The following FHIT variants were observed in gnomAD, a reference collection of about 807,000 sequenced individuals.
FHIT encodes the protein bis(5'-adenosyl)-triphosphatase.
In FHIT, 19 loss-of-function variants were observed where a neutral mutation model predicts 17.9. That is an observed-to-expected ratio of 1.06 (90% CI 0.74 to 1.56). FHIT has a LOEUF of 1.56. Among genes scored for constraint, FHIT ranks in the 40% most tolerant of loss-of-function variants. The probability of loss-of-function intolerance (pLI) is 0.00; values close to 1 mark genes in which losing one functional copy is unlikely to be tolerated. For synonymous variants in FHIT, 81 were observed against 69.7 expected, an observed-to-expected ratio of 1.16 and a Z score of -0.81; for missense variants, 248 against 189.2, an observed-to-expected ratio of 1.31 and a Z score of -1.82.
chr3:60,122,030 A>G (rs1289486156), intron 5 of FHIT, among the ~76,000 whole-genome samples: 1 of 151,924 alleles, frequency 6.6e-6, no homozygotes, highest in African/African-American at 2.4e-5. Flanking sequence ...GAAACAGACT[A>G]CACTTGCAAA....
intron 5 of FHIT, among the ~76,000 whole-genome samples, chr3:60,128,953 C>T (rs759522209): frequency 2.0e-5 from 3 of 151,862 alleles, no homozygotes; most frequent in Non-Finnish European, 4.4e-5. Context: ...TTTTTAACAA[C>T]GTAATTCTAT....
intron 5 of FHIT, among the ~76,000 whole-genome samples, chr3:60,140,767 A>T (rs1700008915): frequency 6.6e-6 from 1 of 151,974 alleles, no homozygotes; most frequent in Admixed American, 6.6e-5. Context: ...TAGTAGATAC[A>T]GGGTTTCTCC....
chr3:60,226,403 C>A (rs141746628), intron 5 of FHIT, among the ~76,000 whole-genome samples: 3,900 of 136,210 alleles, frequency 0.029, 180 homozygotes, highest in African/African-American at 0.099. Flanking sequence ...ACCCGGGAGG[C>A]GGAGGTTGCG....
intron 5 of FHIT, among the ~76,000 whole-genome samples, chr3:60,032,699 A>ATAC (rs972640813): frequency 9.8e-5 from 15 of 152,288 alleles, no homozygotes; most frequent in African/African-American, 3.6e-4. Context: ...GAAGCACATA[A>ATAC]TACTACTACT....
intron 5 of FHIT, among the ~76,000 whole-genome samples, chr3:60,286,388 A>T (rs1346447149): frequency 1.3e-5 from 2 of 152,178 alleles, no homozygotes; most frequent in Admixed American, 1.3e-4. Flanking sequence ...TATTTTTGTT[A>T]TTCTTACGTA....
intron 3 of FHIT, among the ~76,000 whole-genome samples, chr3:60,940,208 T>C (rs1232412528): frequency 2.6e-5 from 4 of 152,128 alleles, no homozygotes; most frequent in Non-Finnish European, 5.9e-5. Flanking sequence ...AAAATAAATA[T>C]TGGTTTTAAA....
chr3:60,605,346 T>C (rs2038576328), intron 4 of FHIT, among the ~76,000 whole-genome samples: 1 of 152,208 alleles, frequency 6.6e-6, no homozygotes, highest in Non-Finnish European at 1.5e-5. Flanking sequence ...GGCTCAGCTC[T>C]GGTGAGAACA....
chr3:60,680,096 G>T (rs557170847), intron 4 of FHIT, among the ~76,000 whole-genome samples: 52 of 152,290 alleles, frequency 3.4e-4, no homozygotes. Flanking sequence ...GGCCATGGGA[G>T]TTGCATGTCT....
chr3:60,500,743 A>T (rs1273098371), intron 5 of FHIT, among the ~76,000 whole-genome samples: 1 of 139,934 alleles, frequency 7.1e-6, no homozygotes, highest in South Asian at 2.3e-4. Flanking sequence ...ACTGCACTCC[A>T]GCCTGGGTGA....
intron 4 of FHIT, among the ~76,000 whole-genome samples, chr3:60,812,255 T>C (rs908487040): frequency 1.5e-4 from 22 of 151,684 alleles, no homozygotes; most frequent in African/African-American, 5.1e-4. Flanking sequence ...CTCTGCTTCC[T>C]GGAGTCCAGT....
At chr3:61,145,227 C>A (rs1241979845) in intron 2 of FHIT, among the ~76,000 whole-genome samples, 1 of 152,046 alleles carries the variant, frequency 6.6e-6, no homozygotes, top group Non-Finnish European at 1.5e-5. Flanking sequence ...GTGTGAGGTA[C>A]AAGTCCTAAT....
chr3:60,145,229 G>A (rs1294305869), intron 5 of FHIT, among the ~76,000 whole-genome samples: 1 of 152,084 alleles, frequency 6.6e-6, no homozygotes, highest in Non-Finnish European at 1.5e-5. Flanking sequence ...ATTGCATTGT[G>A]AATACACAAG....
intron 3 of FHIT, among the ~76,000 whole-genome samples, chr3:60,906,199 A>G (rs1706407071): frequency 6.6e-6 from 1 of 152,204 alleles, no homozygotes; most frequent in African/African-American, 2.4e-5. Context: ...TACTTAATAG[A>G]TTGATTGTCA....
intron 4 of FHIT, among the ~76,000 whole-genome samples, chr3:60,712,179 G>C (rs1331620534): frequency 6.6e-6 from 1 of 152,110 alleles, no homozygotes; most frequent in Non-Finnish European, 1.5e-5. Flanking sequence ...AACAAACTAA[G>C]CTTCATAAGT....
At chr3:60,748,615 C>T (rs2042405427) in intron 4 of FHIT, among the ~76,000 whole-genome samples, 1 of 152,118 alleles carries the variant, frequency 6.6e-6, no homozygotes, top group South Asian at 2.1e-4. Flanking sequence ...AGTTCAAGAC[C>T]AGCCTGGCCA....
intron 5 of FHIT, among the ~76,000 whole-genome samples, chr3:60,466,170 T>A (rs772493475): frequency 1.3e-5 from 2 of 152,068 alleles, no homozygotes; most frequent in Non-Finnish European, 2.9e-5. Flanking sequence ...CTTTCTTGAA[T>A]TATTTTTCAG....
At chr3:60,455,969 C>T (rs1293696144) in intron 5 of FHIT, among the ~76,000 whole-genome samples, 1 of 152,148 alleles carries the variant, frequency 6.6e-6, no homozygotes, top group Non-Finnish European at 1.5e-5. Flanking sequence ...CTGAGTCTAG[C>T]AAGTGGTTGG....
intron 5 of FHIT, among the ~76,000 whole-genome samples, chr3:60,073,618 A>G (rs1019202190): frequency 1.3e-5 from 2 of 152,118 alleles, no homozygotes; most frequent in African/African-American, 4.8e-5. Context: ...GCCCCAAACA[A>G]TCAGCTTCCT....
At chr3:60,021,167 C>G (rs1488222756) in intron 5 of FHIT, among the ~76,000 whole-genome samples, 1 of 152,176 alleles carries the variant, frequency 6.6e-6, no homozygotes, top group African/African-American at 2.4e-5. Flanking sequence ...AGGCAAGCAT[C>G]TCACAAATAT....
Sources: allele counts gnomAD v4.1 joint callset (sites outside exome capture counted in the v4.1 genomes callset), GRCh38; gene constraint gnomAD v4.1.1; transcripts MANE v1.5; gene names NCBI Gene and HGNC (gene_info 2026-07-23, HGNC 2026-07-21).